Variants in RHBDD1 observed in about 807,000 individuals in gnomAD.
The protein encoded by RHBDD1 is rhomboid-related protein 4.
In RHBDD1, 38 loss-of-function variants were observed where a neutral mutation model predicts 36.3. The observed-to-expected ratio is 1.05, with a 90% CI of 0.81 to 1.37. The LOEUF is 1.37. Ranked by LOEUF, RHBDD1 falls within the 40% of genes most tolerant of loss-of-function variation. The pLI is 0.00. For missense variants in RHBDD1, 393 were observed against 377.6 expected (o/e 1.04, Z -0.34); for synonymous variants, 151 against 136.5 (o/e 1.11, Z -0.74).
At chr2:226,816,750 G>T in the RHBDD1 span, among the ~76,000 whole-genome samples, 2 of 152,208 alleles carry the variant, frequency 1.3e-5, no homozygotes, top group Non-Finnish European at 2.9e-5. Flanking sequence ...ACAAAAATTA[G>T]CTGGGCATGG....
intron 8 of RHBDD1, among the ~76,000 whole-genome samples, chr2:226,920,952 T>A (rs1949265788): frequency 6.6e-6 from 1 of 152,152 alleles, no homozygotes; most frequent in Non-Finnish European, 1.5e-5. Flanking sequence ...CCTTTTTAAA[T>A]GTTTGGTAAA....
At position 226,903,484 on chromosome 2, in the gene RHBDD1, A is replaced by G. The variant is rs542668260; in HGVS notation, c.567-3309A>G. On this transcript the variant is annotated intron_variant, in intron 5 of 8. Transcript: ENST00000392062. Reference sequence around the variant, plus strand: ...CATAGTATATATAAGGTTCAGTACTATCTGTGGTTTCAGCCATCCAGTTGG... The same window carrying G: ...CATAGTATATATAAGGTTCAGTACTGTCTGTGGTTTCAGCCATCCAGTTGG... 4.6e-5 allele frequency among the ~76,000 whole-genome samples: 7 copies of G among 152,282 alleles called. No individual in the cohort carries two copies. In the South Asian group the frequency reaches 1.0e-3, roughly 23 times the overall value.
At chr2:226,807,971 C>T in the RHBDD1 span, among the ~76,000 whole-genome samples, 10 of 151,606 alleles carry the variant, frequency 6.6e-5, no homozygotes, top group Admixed American at 2.0e-4. Flanking sequence ...GCCGACGTCA[C>T]GCCACTGCAC....
intron 3 of RHBDD1, among the ~76,000 whole-genome samples, chr2:226,851,946 T>C (rs1011853830): frequency 1.3e-5 from 2 of 152,246 alleles, no homozygotes; most frequent in Non-Finnish European, 2.9e-5. Flanking sequence ...TGGCTTGTTT[T>C]ACCTTTTAGT....
chr2:226,933,913 A>G (rs1950183567), intron 8 of RHBDD1, among the ~76,000 whole-genome samples: 1 of 152,140 alleles, frequency 6.6e-6, no homozygotes, highest in Non-Finnish European at 1.5e-5. Context: ...TGAAATAGAT[A>G]GAAACTATAG....
intron 7 of RHBDD1, among the ~76,000 whole-genome samples, chr2:226,910,054 T>A (rs983335825): frequency 6.6e-6 from 1 of 152,224 alleles, no homozygotes; most frequent in African/African-American, 2.4e-5. Flanking sequence ...TGTGTTCCAA[T>A]AGAATCTTAT....
chr2:226,830,642 C>G (rs1447318772), upstream of RHBDD1, among the ~76,000 whole-genome samples: 1 of 152,128 alleles, frequency 6.6e-6, no homozygotes, highest in Non-Finnish European at 1.5e-5. Context: ...GTAGCTGGAC[C>G]TACAGGTGCA....
chr2:226,885,258 A>G (rs1019954422), intron 5 of RHBDD1, among the ~76,000 whole-genome samples: 9 of 152,168 alleles, frequency 5.9e-5, no homozygotes, highest in African/African-American at 2.2e-4. Context: ...CATTCTGAAA[A>G]GTAATTTGGG....
intron 8 of RHBDD1, among the ~76,000 whole-genome samples, chr2:226,938,158 C>T (rs562484402): frequency 3.3e-5 from 5 of 151,952 alleles, no homozygotes; most frequent in South Asian, 2.1e-4. Flanking sequence ...GATGGTATCT[C>T]GTGGTTTTGA....
rs556473673 is a variant in RHBDD1 at position 226,958,541 on chromosome 2, G to A, written c.857-36890G>A. 2.0e-5 allele frequency among the ~76,000 whole-genome samples: 3 copies of A among 152,258 alleles called. No individual in the cohort carries two copies. The East Asian group carries it at 5.8e-4, about 29-fold the overall frequency. ...CCACTCTAAGTAGGCGAATTGTGTA[G>A]TATAGAAATGAAATCTCAATGAAGC... On this transcript the variant is annotated intron_variant, in intron 8 of 8. Coordinates refer to ENST00000392062, the MANE Select transcript of RHBDD1 (RefSeq NM_001167608.3).
intron 8 of RHBDD1, among the ~76,000 whole-genome samples, chr2:226,961,529 G>A (rs1323460941): frequency 6.9e-6 from 1 of 145,708 alleles, no homozygotes; most frequent in African/African-American, 2.6e-5. Flanking sequence ...GGAATATCAA[G>A]TACATTTCAT....
intron 5 of RHBDD1, among the ~76,000 whole-genome samples, chr2:226,903,218 G>A: frequency 6.6e-6 from 1 of 152,154 alleles, no homozygotes; most frequent in East Asian, 1.9e-4. Context: ...CCTTATCTGT[G>A]ATTTTGCCTT....
intron 8 of RHBDD1, among the ~76,000 whole-genome samples, chr2:226,946,566 A>C (rs1951006523): frequency 6.6e-6 from 1 of 152,166 alleles, no homozygotes; most frequent in African/African-American, 2.4e-5. Context: ...TGGTTTTTTG[A>C]AAAGATTAAC....
the RHBDD1 span, among the ~76,000 whole-genome samples, chr2:226,826,517 A>ATTT: frequency 3.5e-3 from 426 of 121,974 alleles, 11 homozygotes; most frequent in Non-Finnish European, 4.9e-3. Flanking sequence ...ATCATGATAG[A>ATTT]TTTTTTTTTT....
chr2:226,987,145 G>C (rs1156912323), intron 8 of RHBDD1, among the ~76,000 whole-genome samples: 1 of 152,144 alleles, frequency 6.6e-6, no homozygotes, highest in Admixed American at 6.5e-5. Flanking sequence ...CATGGACACA[G>C]AGAGGGGAAC....
At chr2:226,957,233 G>T (rs1176035974) in intron 8 of RHBDD1, among the ~76,000 whole-genome samples, 1 of 152,178 alleles carries the variant, frequency 6.6e-6, no homozygotes, top group Non-Finnish European at 1.5e-5. Context: ...TGGGTAACAT[G>T]CAGGATCTGG....
intron 8 of RHBDD1, among the ~76,000 whole-genome samples, chr2:226,918,767 G>A (rs1300536299): frequency 1.3e-5 from 2 of 152,008 alleles, no homozygotes; most frequent in African/African-American, 4.8e-5. Context: ...TAGTGCTACA[G>A]TAAACATGGG....
intron 5 of RHBDD1, among the ~76,000 whole-genome samples, chr2:226,883,976 A>G (rs75634911): frequency 1.3e-5 from 2 of 152,116 alleles, no homozygotes; most frequent in African/African-American, 2.4e-5. Flanking sequence ...AAAGCAATGT[A>G]TTTCCCTTTG....
intron 8 of RHBDD1, among the ~76,000 whole-genome samples, chr2:226,956,863 G>A (rs185125604): frequency 7.1e-4 from 108 of 152,224 alleles, no homozygotes; most frequent in African/African-American, 2.6e-3. Flanking sequence ...CAGCTCTTTG[G>A]CAATGTGATG....
Sources: gnomAD v4.1 joint callset for allele counts (sites outside exome capture counted in the v4.1 genomes callset) on GRCh38, gnomAD v4.1.1 for gene constraint, MANE v1.5 for transcripts, NCBI Gene and HGNC (gene_info 2026-07-23, HGNC 2026-07-21) for gene names.